Variants in EPHA6 observed in about 807,000 individuals in gnomAD.
The protein encoded by EPHA6 is ephrin type-A receptor 6.
EPHA6 carries 50 observed loss-of-function variants against 112.0 expected under a neutral mutation model. The ratio of observed to expected loss-of-function variants is 0.45; its 90% CI spans 0.36 to 0.56. The LOEUF (loss-of-function observed/expected upper bound fraction) is 0.56, where lower values mean the gene tolerates loss of function less well. Ranked by LOEUF, EPHA6 falls within the 20% of genes least tolerant of loss-of-function variation. The pLI, the probability that EPHA6 is intolerant of heterozygous loss-of-function variation, is 0.00. For missense variants in EPHA6, 1,280 were observed against 1,417.4 expected (o/e 0.90, Z 1.56); for synonymous variants, 529 against 490.7 (o/e 1.08, Z -1.03).
chr3:97,494,723 A>G (rs1370579170), intron 10 of EPHA6, among the ~76,000 whole-genome samples: 1 of 152,156 alleles, frequency 6.6e-6, no homozygotes, highest in Non-Finnish European at 1.5e-5. Context: ...AACTCCGTAC[A>G]TGATCTTACA....
At chr3:97,160,845 G>GC (rs1198486226) in intron 3 of EPHA6, among the ~76,000 whole-genome samples, 1 of 152,118 alleles carries the variant, frequency 6.6e-6, no homozygotes, top group Non-Finnish European at 1.5e-5. Context: ...TCAGAAAGGA[G>GC]CCCTAGTTCT....
chr3:97,206,661 C>T (rs894648359), intron 3 of EPHA6, among the ~76,000 whole-genome samples: 5 of 151,980 alleles, frequency 3.3e-5, no homozygotes, highest in African/African-American at 7.2e-5. Context: ...ATTAATATAC[C>T]GCCAATGAGT....
chr3:97,432,017 T>C (rs1034444357), intron 6 of EPHA6, among the ~76,000 whole-genome samples: 7 of 152,138 alleles, frequency 4.6e-5, no homozygotes, highest in Non-Finnish European at 5.9e-5. Context: ...ACTGGTCTTA[T>C]CTACAGAAAC....
chr3:97,551,658 A>G (rs941641749), intron 11 of EPHA6, among the ~76,000 whole-genome samples: 1 of 152,172 alleles, frequency 6.6e-6, no homozygotes, highest in African/African-American at 2.4e-5. Flanking sequence ...ACAACGAGCT[A>G]TAGCACCTCT....
chr3:97,599,780 G>A (rs1398973745), intron 12 of EPHA6, among the ~76,000 whole-genome samples: 1 of 152,090 alleles, frequency 6.6e-6, no homozygotes, highest in Non-Finnish European at 1.5e-5. Context: ...GAACTTTAAA[G>A]TAGTTTTTTC....
At chr3:97,743,012 G>C (rs2035573309) in intron 16 of EPHA6, among the ~76,000 whole-genome samples, 2 of 152,050 alleles carry the variant, frequency 1.3e-5, no homozygotes, top group Non-Finnish European at 2.9e-5. Flanking sequence ...GGTTATAATT[G>C]CAGGTGAACC....
intron 3 of EPHA6, among the ~76,000 whole-genome samples, chr3:97,047,955 T>G (rs2045566859): frequency 6.6e-6 from 1 of 152,178 alleles, no homozygotes; most frequent in Admixed American, 6.6e-5. Flanking sequence ...GATCAATGTC[T>G]ACTTTAATAG....
intron 2 of EPHA6, among the ~76,000 whole-genome samples, chr3:96,938,045 G>A (rs2040702891): frequency 6.6e-6 from 1 of 152,034 alleles, no homozygotes; most frequent in African/African-American, 2.4e-5. Context: ...GTAGTGTGAT[G>A]CCTCCAGCTT....
intron 3 of EPHA6, among the ~76,000 whole-genome samples, chr3:97,067,244 C>T (rs892823016): frequency 2.0e-5 from 3 of 152,002 alleles, no homozygotes; most frequent in Admixed American, 2.0e-4. Flanking sequence ...CCTATAATCT[C>T]TTGAATATTA....
chr3:97,325,618 A>T (rs2108799916), intron 5 of EPHA6, among the ~76,000 whole-genome samples: 1 of 152,204 alleles, frequency 6.6e-6, no homozygotes, highest in East Asian at 1.9e-4. Flanking sequence ...CTGGTGCATG[A>T]TACTCACTCA....
At position 97,753,751 on chromosome 3, in the gene EPHA6, A is replaced by C. The variant is rs1285510928; in HGVS notation, c.*5050A>C. On this transcript the variant is annotated 3_prime_UTR_variant, in exon 18 of 18. Transcript: ENST00000389672. The stretch of plus-strand genomic sequence containing the variant: ...TTAAATTCCATCCATTTAACAGGGG[A>C]AATAGATGATTACTCCTGACTATAA... Among the ~76,000 whole-genome samples, 2 of 152,184 alleles carry C rather than the reference A, an allele frequency of 1.3e-5. No individual in the cohort carries two copies. Among genetic ancestry groups the C allele is most frequent in the Non-Finnish European group, 2.9e-5 (2 of 68,026 alleles).
intron 10 of EPHA6, among the ~76,000 whole-genome samples, chr3:97,524,903 GT>G (rs2092596916): frequency 6.6e-6 from 1 of 152,000 alleles, no homozygotes; most frequent in Non-Finnish European, 1.5e-5. Flanking sequence ...AAGCTTCTTT[GT>G]TTTTGGCTTT....
chr3:96,941,844 C>T (rs896124185), intron 2 of EPHA6, among the ~76,000 whole-genome samples: 8 of 152,100 alleles, frequency 5.3e-5, no homozygotes, highest in Non-Finnish European at 8.8e-5. Context: ...CAGGTCTGTT[C>T]GAGTTTGCTA....
intron 3 of EPHA6, among the ~76,000 whole-genome samples, chr3:97,093,861 G>A (rs886413529): frequency 1.3e-5 from 2 of 152,078 alleles, no homozygotes; most frequent in Non-Finnish European, 2.9e-5. Flanking sequence ...TTTCCCACGG[G>A]AGTAGTAAGA....
chr3:97,521,923 C>T (rs199941099), intron 10 of EPHA6, among the ~76,000 whole-genome samples: 13 of 87,948 alleles, frequency 1.5e-4, no homozygotes, highest in East Asian at 3.8e-4. Flanking sequence ...GAGCCTTTTT[C>T]AAAAAAAAAA....
At position 97,249,358 on chromosome 3, in the gene EPHA6, A is replaced by G. The variant is rs148883750; in HGVS notation, c.1606+5071A>G. 6.4e-3 allele frequency among the ~76,000 whole-genome samples: 976 copies of G among 152,304 alleles called. 12 individuals are homozygous for G. The highest frequency in any genetic ancestry group is 0.023 in the African/African-American group (940 of 41,570). ...TAATCATTACTAAATCATGATTAGT[A>G]ATGATTGCATAATGATTATAGTGCA... On this transcript the variant is annotated intron_variant, in intron 5 of 17. Transcript: ENST00000389672.
At chr3:97,519,005 T>C (rs1577648565) in intron 10 of EPHA6, among the ~76,000 whole-genome samples, 1 of 152,262 alleles carries the variant, frequency 6.6e-6, no homozygotes, top group Admixed American at 6.5e-5. Context: ...TTTTAAATAG[T>C]ACCATTTGTC....
chr3:97,511,225 GAA>G (rs59014132), intron 10 of EPHA6, among the ~76,000 whole-genome samples: 3,810 of 147,192 alleles, frequency 0.026, 185 homozygotes, highest in African/African-American at 0.088. Context: ...ACTGGGGTAT[GAA>G]AAAAAAAAAA....
At chr3:97,428,667 G>A (rs940490990) in intron 6 of EPHA6, among the ~76,000 whole-genome samples, 1 of 152,144 alleles carries the variant, frequency 6.6e-6, no homozygotes, top group African/African-American at 2.4e-5. Flanking sequence ...TGGCGACGAG[G>A]AGAGTGTTCT....
Sources: allele counts gnomAD v4.1 joint callset (sites outside exome capture counted in the v4.1 genomes callset), GRCh38; gene constraint gnomAD v4.1.1; transcripts MANE v1.5; gene names NCBI Gene and HGNC (gene_info 2026-07-23, HGNC 2026-07-21).